The following ZBTB20 variants were observed in gnomAD, a reference collection of about 807,000 sequenced individuals.
ZBTB20 encodes the protein zinc finger and BTB domain containing 20, also known as zinc finger and BTB domain-containing protein 20.
Under a neutral mutation model 56.9 loss-of-function variants are expected in ZBTB20, and 9 were observed. That is an observed-to-expected ratio of 0.16 (90% CI 0.10 to 0.28). The LOEUF (loss-of-function observed/expected upper bound fraction) is 0.28, where lower values mean the gene tolerates loss of function less well. Ranked by LOEUF, ZBTB20 falls within the 10% of genes least tolerant of loss-of-function variation. The pLI, the probability that ZBTB20 is intolerant of heterozygous loss-of-function variation, is 1.00. For missense variants in ZBTB20, 655 were observed against 1,003.0 expected (o/e 0.65, Z 4.69); for synonymous variants, 417 against 420.7 (o/e 0.99, Z 0.11).
intron 7 of ZBTB20, among the ~76,000 whole-genome samples, chr3:114,497,473 G>A (rs1392540140): frequency 1.3e-5 from 2 of 152,024 alleles, no homozygotes; most frequent in Non-Finnish European, 1.5e-5. Flanking sequence ...GCTACTTAAC[G>A]CCTCCTGATT....
At chr3:114,862,054 A>G (rs1273823148) in intron 4 of ZBTB20, among the ~76,000 whole-genome samples, 1 of 152,214 alleles carries the variant, frequency 6.6e-6, no homozygotes, top group Non-Finnish European at 1.5e-5. Context: ...TTAATGTGGC[A>G]TACAACTTTA....
intron 6 of ZBTB20, among the ~76,000 whole-genome samples, chr3:114,504,915 T>C (rs2044419476): frequency 6.6e-6 from 1 of 152,214 alleles, no homozygotes; most frequent in African/African-American, 2.4e-5. Context: ...GTGTGTGCCA[T>C]TCCAAAATCT....
intron 1 of ZBTB20, among the ~76,000 whole-genome samples, chr3:115,110,375 G>A (rs1407242064): frequency 6.6e-6 from 1 of 152,116 alleles, no homozygotes; most frequent in Non-Finnish European, 1.5e-5. Context: ...TTATTTTTAA[G>A]AAAAATCACT....
intron 7 of ZBTB20, among the ~76,000 whole-genome samples, chr3:114,460,599 G>A (rs1036358084): frequency 6.6e-6 from 1 of 152,124 alleles, no homozygotes; most frequent in South Asian, 2.1e-4. Flanking sequence ...CTTTATAGCC[G>A]CTAAAAGGAA....
In ZBTB20 at chr3:114,318,757, T is replaced by C. The variant is rs1479829518; in HGVS notation, c.*20248A>G. The C allele has an allele frequency of 1.3e-5, 2 of 152,166 alleles. No individual in the cohort carries two copies. Among genetic ancestry groups the C allele is most frequent in the African/African-American group, 4.8e-5 (2 of 41,428 alleles). The allele number at this position is 152,166 out of a possible 1,614,324, so 9.4% of individuals were successfully genotyped here. A position where few individuals can be genotyped will look rare whatever the true frequency, so the allele number is the denominator to read the frequency against. On this transcript the variant is annotated 3_prime_UTR_variant, in exon 12 of 12. Coordinates refer to ENST00000675478, the MANE Select transcript of ZBTB20 (RefSeq NM_001348800.3). ...TCCAACTTTTTCAAACCATAAAAAT[T>C]AAAGCAGGGCTTCGGTGGCTTTGAT... is the stretch of plus-strand genomic sequence containing the variant.
At chr3:114,420,218 G>C (rs2089011118) in intron 7 of ZBTB20, among the ~76,000 whole-genome samples, 1 of 152,066 alleles carries the variant, frequency 6.6e-6, no homozygotes, top group African/African-American at 2.4e-5. Context: ...GATAGATATG[G>C]GGAAGCCCAG....
chr3:114,653,065 T>C (rs1279928591), intron 6 of ZBTB20, among the ~76,000 whole-genome samples: 1 of 151,960 alleles, frequency 6.6e-6, no homozygotes, highest in Admixed American at 6.6e-5. Flanking sequence ...ATGTAAACAA[T>C]CATGGTATTT....
At position 114,525,571 on chromosome 3, in the gene ZBTB20, C is replaced by G. The variant is rs367992026; in HGVS notation, c.-294-25180G>C. 2.6e-5 allele frequency among the ~76,000 whole-genome samples: 4 copies of G among 152,116 alleles called. No homozygotes were observed. In the East Asian group the frequency reaches 7.7e-4, roughly 29 times the overall value. ...TACCATGAGGCCTGCTGATTTCTCC[C>G]TCCTCTAAAATCCTGCTATCCCTAA... On this transcript the variant is annotated intron_variant, in intron 6 of 11. Coordinates refer to ENST00000675478, the MANE Select transcript of ZBTB20 (RefSeq NM_001348800.3).
At chr3:114,968,324 G>T (rs1175562676) in intron 3 of ZBTB20, among the ~76,000 whole-genome samples, 1 of 152,190 alleles carries the variant, frequency 6.6e-6, no homozygotes, top group Non-Finnish European at 1.5e-5. Context: ...TTTACAGTTT[G>T]AGAGGTCATA....
chr3:114,518,480 A>G (rs193285501), intron 6 of ZBTB20: 5 of 152,342 alleles, frequency 3.3e-5, no homozygotes, highest in Admixed American at 2.0e-4. Context: ...AGAATCTTCA[A>G]ATATGAACTT....
At chr3:114,691,376 T>G (rs1286204844) in intron 6 of ZBTB20, among the ~76,000 whole-genome samples, 1 of 152,124 alleles carries the variant, frequency 6.6e-6, no homozygotes, top group Admixed American at 6.6e-5. Context: ...TTAGTCATTG[T>G]GCAAGCTGGT....
chr3:114,858,629 A>G (rs1167444262), intron 4 of ZBTB20, among the ~76,000 whole-genome samples: 1 of 152,066 alleles, frequency 6.6e-6, no homozygotes, highest in Non-Finnish European at 1.5e-5. Context: ...TCCCTACCAT[A>G]AAGTTGTATT....
At chr3:114,419,549 G>A (rs1030792641) in intron 7 of ZBTB20, among the ~76,000 whole-genome samples, 2 of 152,096 alleles carry the variant, frequency 1.3e-5, no homozygotes, top group Non-Finnish European at 2.9e-5. Context: ...AATGAAGAAA[G>A]ATAGGGACCT....
chr3:114,455,342 T>G (rs953000750), intron 7 of ZBTB20, among the ~76,000 whole-genome samples: 2 of 152,168 alleles, frequency 1.3e-5, no homozygotes, highest in African/African-American at 4.8e-5. Context: ...TAAGCAATAC[T>G]GCTCGTACTG....
intron 4 of ZBTB20, among the ~76,000 whole-genome samples, chr3:114,861,968 C>A (rs1400718704): frequency 6.6e-6 from 1 of 152,156 alleles, no homozygotes; most frequent in Non-Finnish European, 1.5e-5. Context: ...GAATCCCTTG[C>A]AATTTTATAT....
intron 6 of ZBTB20, among the ~76,000 whole-genome samples, chr3:114,616,613 T>A (rs186067733): frequency 1.3e-3 from 204 of 152,260 alleles, no homozygotes; most frequent in African/African-American, 4.6e-3. Flanking sequence ...CTCCCTTTTG[T>A]CATCTTTCAA....
At chr3:115,103,164 C>A (rs558126286) in intron 1 of ZBTB20, 2 of 152,046 alleles carry the variant, frequency 1.3e-5, no homozygotes, top group Non-Finnish European at 2.9e-5. Context: ...GACTACCATA[C>A]TATGGAAGTT....
intron 6 of ZBTB20, among the ~76,000 whole-genome samples, chr3:114,619,369 T>C (rs917893683): frequency 1.3e-5 from 2 of 152,180 alleles, no homozygotes; most frequent in African/African-American, 2.4e-5. Flanking sequence ...GAATATTCTA[T>C]ATATATAAAC....
At chr3:114,768,733 C>A (rs2068960005) in intron 5 of ZBTB20, among the ~76,000 whole-genome samples, 1 of 152,096 alleles carries the variant, frequency 6.6e-6, no homozygotes, top group South Asian at 2.1e-4. Context: ...ACTATCAACT[C>A]TGGAAAGTAA....
Sources: allele counts gnomAD v4.1 joint callset (sites outside exome capture counted in the v4.1 genomes callset), GRCh38; gene constraint gnomAD v4.1.1; transcripts MANE v1.5; gene names NCBI Gene and HGNC (gene_info 2026-07-23, HGNC 2026-07-21).